Variants in ASIC2 observed in about 807,000 individuals in gnomAD.
The protein encoded by ASIC2 is acid sensing ion channel subunit 2.
A neutral mutation model predicts 57.3 loss-of-function variants in ASIC2; 25 were observed. The observed-to-expected ratio is 0.44, with a 90% confidence interval of 0.32 to 0.61. The LOEUF is 0.61. Among genes scored for constraint, ASIC2 ranks in the 20% least tolerant of loss-of-function variants. The pLI is 0.06. For synonymous variants in ASIC2, 319 were observed against 307.5 expected, an observed-to-expected ratio of 1.04 and a Z score of -0.39; for missense variants, 641 against 738.1, an observed-to-expected ratio of 0.87 and a Z score of 1.52.
At chr17:34,084,717 T>C (rs546897474) in intron 1 of ASIC2, among the ~76,000 whole-genome samples, 4 of 152,350 alleles carry the variant, frequency 2.6e-5, no homozygotes, top group African/African-American at 7.2e-5. Flanking sequence ...TTTTATTTCA[T>C]TGAGCAGTGG....
chr17:33,579,361 G>GT (rs1156691337), intron 1 of ASIC2, among the ~76,000 whole-genome samples: 1 of 151,536 alleles, frequency 6.6e-6, no homozygotes, highest in Non-Finnish European at 1.5e-5. Flanking sequence ...ATGTGGCTTG[G>GT]TATGTTTACA....
At chr17:33,552,465 T>C (rs10445386) in intron 1 of ASIC2, among the ~76,000 whole-genome samples, 2 of 152,070 alleles carry the variant, frequency 1.3e-5, no homozygotes, top group Admixed American at 6.6e-5. Flanking sequence ...AAATGGGAGG[T>C]AGCATGTAGC....
At chr17:33,257,822 G>C (rs34619052) in intron 1 of ASIC2, among the ~76,000 whole-genome samples, 42,308 of 152,194 alleles carry the variant, frequency 0.28, 6,454 homozygotes, top group Middle Eastern at 0.36. Flanking sequence ...GAGGCTGAGA[G>C]TGTAGCTTAG....
intron 1 of ASIC2, among the ~76,000 whole-genome samples, chr17:33,591,082 A>T (rs113971291): frequency 2.6e-5 from 4 of 152,236 alleles, no homozygotes; most frequent in African/African-American, 9.6e-5. Context: ...TTTCTGTTAT[A>T]TTCTGCTGTT....
intron 1 of ASIC2, among the ~76,000 whole-genome samples, chr17:33,966,298 G>A (rs777567814): frequency 5.3e-5 from 8 of 152,184 alleles, no homozygotes; most frequent in Non-Finnish European, 1.2e-4. Context: ...GGAGGCAGGC[G>A]TGAGTTGGAA....
At chr17:34,089,705 T>G (rs2142086476) in intron 1 of ASIC2, among the ~76,000 whole-genome samples, 1 of 152,158 alleles carries the variant, frequency 6.6e-6, no homozygotes, top group East Asian at 1.9e-4. Context: ...AAGATCACTC[T>G]CTTCAAAGAC....
intron 1 of ASIC2, among the ~76,000 whole-genome samples, chr17:34,059,510 G>A (rs948509719): frequency 1.3e-5 from 2 of 152,142 alleles, no homozygotes; most frequent in African/African-American, 4.8e-5. Context: ...TCAGGGCAGG[G>A]CGCAAATTGG....
intron 1 of ASIC2, among the ~76,000 whole-genome samples, chr17:33,651,337 G>C (rs1160548006): frequency 6.6e-6 from 1 of 152,188 alleles, no homozygotes; most frequent in African/African-American, 2.4e-5. Flanking sequence ...GCAACGTCTT[G>C]TGAGTCTATA....
At chr17:33,768,602 G>A (rs1911004088) in intron 1 of ASIC2, among the ~76,000 whole-genome samples, 1 of 152,112 alleles carries the variant, frequency 6.6e-6, no homozygotes, top group Non-Finnish European at 1.5e-5. Flanking sequence ...GGCAGACAGG[G>A]GCAGGTCCCC....
chr17:33,751,590 C>T (rs73282797), intron 1 of ASIC2, among the ~76,000 whole-genome samples: 8,288 of 151,940 alleles, frequency 0.055, 703 homozygotes, highest in African/African-American at 0.18. Context: ...CCTAACATAC[C>T]AATGTATATA....
chr17:33,734,890 C>G (rs907818771), intron 1 of ASIC2, among the ~76,000 whole-genome samples: 13 of 152,176 alleles, frequency 8.5e-5, no homozygotes, highest in Non-Finnish European at 1.2e-4. Flanking sequence ...TGTTGTTTAA[C>G]CCATCCACTT....
At chr17:33,865,972 T>A (rs2141927620) in intron 1 of ASIC2, among the ~76,000 whole-genome samples, 1 of 152,266 alleles carries the variant, frequency 6.6e-6, no homozygotes, top group East Asian at 1.9e-4. Context: ...TAAATTAATT[T>A]TGCCTAACTT....
chr17:33,629,998 T>C (rs892757130), intron 1 of ASIC2, among the ~76,000 whole-genome samples: 4 of 152,178 alleles, frequency 2.6e-5, no homozygotes, highest in Admixed American at 2.0e-4. Context: ...CAAATGCAGG[T>C]TACATGTGAC....
At chr17:33,087,684 G>A (rs1260516350) in intron 3 of ASIC2, among the ~76,000 whole-genome samples, 2 of 137,938 alleles carry the variant, frequency 1.4e-5, no homozygotes, top group Non-Finnish European at 3.0e-5. Context: ...ACCTCCAACC[G>A]CCCAAGTAGC....
chr17:33,660,530 A>C (rs1287147794), intron 1 of ASIC2, among the ~76,000 whole-genome samples: 1 of 152,200 alleles, frequency 6.6e-6, no homozygotes, highest in Non-Finnish European at 1.5e-5. Flanking sequence ...CTTTTTTAAT[A>C]AGTAGGAGTA....
chr17:33,409,256 C>T (rs1047714643), intron 1 of ASIC2, among the ~76,000 whole-genome samples: 1 of 152,092 alleles, frequency 6.6e-6, no homozygotes, highest in African/African-American at 2.4e-5. Flanking sequence ...CCTGCATTTC[C>T]TCCAGAGGTC....
intron 1 of ASIC2, among the ~76,000 whole-genome samples, chr17:34,066,629 G>A (rs778247776): frequency 1.3e-5 from 2 of 152,180 alleles, no homozygotes; most frequent in Non-Finnish European, 2.9e-5. Flanking sequence ...CAGGCATTAT[G>A]TCCCATACAA....
At position 33,659,953 on chromosome 17, in the gene ASIC2, G is replaced by A. The variant is rs547422243; in HGVS notation, c.555+496025C>T. Among the ~76,000 whole-genome samples the A allele has an allele frequency of 2.6e-4, 39 of 151,224 alleles. 1 individual carries two copies. The South Asian group carries it at 2.9e-3, about 11-fold the overall frequency. On this transcript the variant is annotated intron_variant, in intron 1 of 9. Coordinates refer to the ASIC2 transcript ENST00000359872. The stretch of plus-strand genomic sequence containing the variant: ...AAAATAAATAGCTGGGCGTGTTGGC[G>A]CACGCCTATAGTCCCAGCTACTCAG...
At chr17:33,526,831 A>G (rs1427446684) in intron 1 of ASIC2, among the ~76,000 whole-genome samples, 6 of 152,102 alleles carry the variant, frequency 3.9e-5, no homozygotes, top group Admixed American at 3.9e-4. Context: ...TGTCTCCTGG[A>G]AAGGCCAGAT....
Sources: allele counts gnomAD v4.1 joint callset (sites outside exome capture counted in the v4.1 genomes callset), GRCh38; gene constraint gnomAD v4.1.1; transcripts MANE v1.5; gene names NCBI Gene and HGNC (gene_info 2026-07-23, HGNC 2026-07-21).